The following NPRL3 variants were observed in gnomAD, a reference collection of about 807,000 sequenced individuals.
The protein encoded by NPRL3 is NPR3 like, GATOR1 complex subunit.
NPRL3 carries 23 observed loss-of-function variants against 57.2 expected under a neutral mutation model. The ratio of observed to expected loss-of-function variants is 0.40; its 90% CI spans 0.29 to 0.57. NPRL3 has a LOEUF of 0.57. NPRL3 is among the 20% of genes least tolerant of loss of function. The pLI is 0.42. For missense variants in NPRL3, 691 were observed against 767.1 expected, an observed-to-expected ratio of 0.90 and a Z score of 1.17; for synonymous variants, 333 against 321.1, an observed-to-expected ratio of 1.04 and a Z score of -0.39.
chr16:138,238 C>G lies in NPRL3; in HGVS notation c.30G>C (p.Val10=), dbSNP rs772703167. 8.1e-6 allele frequency: 13 copies of G among 1,608,630 alleles called. No homozygotes were observed. Among genetic ancestry groups the G allele is most frequent in the Admixed American group, 1.7e-5 (1 of 59,388 alleles). ...CCCTGCTCCCCGAGCTCACCAGAATCACGCTGATGGGGCTGGTGTTGTCCC... is the reference window on the plus strand; with the variant it reads ...CCCTGCTCCCCGAGCTCACCAGAATGACGCTGATGGGGCTGGTGTTGTCCC... MRDNTSPIS[V]ILVSSGSRGN... is the part of the protein sequence containing the mutation. The change falls in exon 2 of 14, where the codon GTG becomes GTC. Residue 10 remains valine (V), a synonymous_variant. Coordinates refer to ENST00000611875, the MANE Select transcript of NPRL3 (RefSeq NM_001077350.3).
intron 3 of NPRL3, 103 bp from the exon 4 acceptor site, chr16:119,358 A>C (rs982419181): frequency 7.6e-6 from 9 of 1,178,138 alleles, no homozygotes; most frequent in Admixed American, 2.1e-5. Context: ...CTGCACCTTC[A>C]TGGAGTTGCT....
chr16:101,766 G>A (rs192591939), intron 7 of NPRL3, among the ~76,000 whole-genome samples: 15 of 152,280 alleles, frequency 9.9e-5, no homozygotes, highest in South Asian at 2.1e-4. Flanking sequence ...CTCAGGTCCC[G>A]CTGTGCTCAG....
chr16:100,532 C>T (rs754732050), intron 7 of NPRL3, 23 bp from the exon 8 acceptor site: 1 of 1,520,932 alleles, frequency 6.6e-7, no homozygotes, highest in Non-Finnish European at 8.8e-7. Flanking sequence ...GGCGCTGTTA[C>T]CCGTTCACAT....
At chr16:124,200 A>G (rs1596533510) in intron 3 of NPRL3, among the ~76,000 whole-genome samples, 1 of 152,252 alleles carries the variant, frequency 6.6e-6, no homozygotes, top group African/African-American at 2.4e-5. Context: ...TTTTCTCACT[A>G]AAAGTCAAAT....
chr16:89,580 C>T (rs534621668), intron 12 of NPRL3, 133 bp downstream of exon 12: 21 of 822,934 alleles, frequency 2.6e-5, no homozygotes, highest in Admixed American at 3.7e-5. Flanking sequence ...ACGGGGGACA[C>T]GAGGCACGTG....
rs59640237 is a variant in NPRL3 at position 100,970 on chromosome 16, C to CAAAA, written c.630-465_630-462dup. 2.8e-3 allele frequency among the ~76,000 whole-genome samples: 102 copies of CAAAA among 36,108 alleles called. 12 individuals carry two copies. Among genetic ancestry groups the CAAAA allele is most frequent in the African/African-American group, 0.012 (91 of 7,518 alleles). The allele number at this position is 36,108 out of a possible 152,430, so 23.7% of individuals were successfully genotyped here. On this transcript the variant is annotated intron_variant, in intron 7 of 13. Coordinates refer to ENST00000611875, the MANE Select transcript of NPRL3 (RefSeq NM_001077350.3). ...TGGGCAACAAGGCAAGACTCTGTCT[C>CAAAA]AAAAAAAAAAAAAAAAAAAAGGAAG...
intron 7 of NPRL3, among the ~76,000 whole-genome samples, chr16:108,089 G>C (rs543868522): frequency 6.6e-6 from 1 of 152,322 alleles, no homozygotes; most frequent in African/African-American, 2.4e-5. Flanking sequence ...CACCTGGCAA[G>C]GGCTGATGTT....
At chr16:126,428 ATAATAATAATAATAATAAT>A (rs1007865591) in intron 3 of NPRL3, 34 of 148,018 alleles carry the variant, frequency 2.3e-4, no homozygotes, top group Admixed American at 1.1e-3. Context: ...TCTCAAAATA[ATAATAATAATAATAATAAT>A]TAATAATAAT....
Position 93,296 on chromosome 16 carries a change from G to A in NPRL3, c.954C>T (p.Tyr318=). 2 of 1,559,182 alleles carry A rather than the reference G, an allele frequency of 1.3e-6. No individual in the cohort carries two copies. The highest frequency in any genetic ancestry group is 1.7e-6 in the Non-Finnish European group (2 of 1,151,344). Residue 318 remains tyrosine, a synonymous_variant, in exon 10 of 14, where the codon TAC becomes TAT. Coordinates refer to ENST00000611875, the MANE Select transcript of NPRL3 (RefSeq NM_001077350.3). The part of the protein sequence containing the change: ...QVFQLAAHLV[Y]WGKAIIIYPL... ...GGTAGATGATGATGGCCTTGCCCCA[G>A]TACACCAGATGAGCTGCAAGCTGGA...
intron 2 of NPRL3, among the ~76,000 whole-genome samples, chr16:136,590 G>A (rs984626428): frequency 1.3e-5 from 2 of 151,844 alleles, no homozygotes; most frequent in African/African-American, 2.4e-5. Context: ...TACTCGGGAG[G>A]CTGAGGCAGG....
Position 110,517 on chromosome 16 carries a change from T to A in NPRL3, c.629+8A>T, listed in dbSNP as rs1342200514. ...AAGGAGGTTAATAAGCACACCCACC[T>A]GTCTTACCTGTCATAAGCTTCCTTG... On this transcript the variant is annotated splice_region_variant and intron_variant, in intron 7 of 13. Coordinates refer to ENST00000611875, the MANE Select transcript of NPRL3 (RefSeq NM_001077350.3). The A allele has an allele frequency of 1.2e-6, 2 of 1,608,480 alleles. No homozygotes were observed. The highest frequency in any genetic ancestry group is 2.7e-5 in the African/African-American group (2 of 74,846).
intron 3 of NPRL3, among the ~76,000 whole-genome samples, chr16:121,450 C>G (rs939823215): frequency 7.2e-5 from 11 of 152,050 alleles, no homozygotes; most frequent in African/African-American, 2.7e-4. Context: ...TAATGAAACC[C>G]CCGTCTCTAC....
At chr16:122,715 A>C (rs1900334887) in intron 3 of NPRL3, among the ~76,000 whole-genome samples, 1 of 152,210 alleles carries the variant, frequency 6.6e-6, no homozygotes, top group African/African-American at 2.4e-5. Flanking sequence ...ACCTTCTATC[A>C]CTGCCGAGCT....
Position 98,132 on chromosome 16 carries a change from T to C in NPRL3, c.924+13A>G, listed in dbSNP as rs1489459768. ...CCGCCACATGCCACCCATCTGGGCC[T>C]CCAGAGCTATACCTGCAGCAAGGCC... On this transcript the variant is annotated intron_variant, in intron 9 of 13. Transcript: ENST00000611875. 3 of 1,611,576 alleles carry C rather than the reference T, an allele frequency of 1.9e-6. No individual in the cohort carries two copies. The highest frequency in any genetic ancestry group is 2.5e-6 in the Non-Finnish European group (3 of 1,178,772).
Position 138,202 on chromosome 16 carries a change from C to T in NPRL3, c.66G>A (p.Leu22=). Residue 22 remains leucine (L), a synonymous_variant, in exon 2 of 14, where the codon CTG becomes CTA. Transcript: ENST00000611875. ...TTCTCTGGAAGGGGTACCTGAACAGCAGCTTATTGCCCCTGCTCCCCGAGC... is the reference window on the plus strand; with the variant it reads ...TTCTCTGGAAGGGGTACCTGAACAGTAGCTTATTGCCCCTGCTCCCCGAGC... ...LVSSGSRGNK[L]LFRYPFQRSQ... is the part of the protein sequence containing the mutation. 3 of 1,610,478 alleles carry T rather than the reference C, an allele frequency of 1.9e-6. No individual in the cohort carries two copies. Among genetic ancestry groups the T allele is most frequent in the Non-Finnish European group, 2.5e-6 (3 of 1,178,726 alleles).
intron 7 of NPRL3, among the ~76,000 whole-genome samples, chr16:106,051 C>A (rs1272965279): frequency 3.3e-5 from 5 of 152,230 alleles, no homozygotes; most frequent in Non-Finnish European, 2.9e-5. Context: ...TGGCTCACGC[C>A]TGTAGTCCTA....
intron 7 of NPRL3, among the ~76,000 whole-genome samples, chr16:109,262 C>T (rs538210341): frequency 6.6e-6 from 1 of 152,308 alleles, no homozygotes; most frequent in East Asian, 1.9e-4. Flanking sequence ...TCACCACGCC[C>T]GGCCTGCTTG....
Position 85,838 on chromosome 16 carries a change from T to TTGGCCGGGCG in NPRL3, c.*866_*867insCGCCCGGCCA. The TTGGCCGGGCG allele has an allele frequency of 2.1e-6, 3 of 1,413,934 alleles. No individual in the cohort carries two copies. Among genetic ancestry groups the TTGGCCGGGCG allele is most frequent in the South Asian group, 3.6e-5 (2 of 56,152 alleles). The allele number at this position is 1,413,934 out of a possible 1,614,324, so 87.6% of individuals were successfully genotyped here. On this transcript the variant is annotated 3_prime_UTR_variant, in exon 14 of 14. Transcript: ENST00000611875. The stretch of plus-strand genomic sequence containing the variant: ...TTAAAAACCGAATAAATGTTTTATT[T>TTGGCCGGGCG]CTAGAAAACTGTGCCTTAGCCAGAG...
rs533871530 is a variant in NPRL3 at position 103,296 on chromosome 16, A to ATTTTTTTTTTTTTTTTTTTTTT, written c.630-2809_630-2788dup. 8.3e-4 allele frequency among the ~76,000 whole-genome samples: 35 copies of ATTTTTTTTTTTTTTTTTTTTTT among 42,126 alleles called. 7 individuals are homozygous for ATTTTTTTTTTTTTTTTTTTTTT. Among genetic ancestry groups the ATTTTTTTTTTTTTTTTTTTTTT allele is most frequent in the South Asian group, 2.4e-3 (2 of 832 alleles). 27.6% of individuals were successfully genotyped at this position (42,126 alleles called of 152,430 possible). A position where few individuals can be genotyped will look rare whatever the true frequency, so the allele number is the denominator to read the frequency against. On this transcript the variant is annotated intron_variant, in intron 7 of 13. Transcript: ENST00000611875. ...GACGTGCAACATCACGCCTGGGGTG[A>ATTTTTTTTTTTTTTTTTTTTTT]TTTTTTTTTTTTTTTTTTTTTTTTT...
Sources: allele counts gnomAD v4.1 joint callset (sites outside exome capture counted in the v4.1 genomes callset), GRCh38; gene constraint gnomAD v4.1.1; transcripts MANE v1.5; gene names NCBI Gene and HGNC (gene_info 2026-07-23, HGNC 2026-07-21).